PRDM16: variants seen among roughly 807,000 people sequenced by gnomAD.
The protein encoded by PRDM16 is PR/SET domain 16.
PRDM16 carries 23 observed loss-of-function variants against 110.6 expected under a neutral mutation model. The observed-to-expected ratio is 0.21, with a 90% CI of 0.15 to 0.29. The LOEUF is 0.29. PRDM16 is among the 10% of genes least tolerant of loss of function. The pLI, the probability that PRDM16 is intolerant of heterozygous loss-of-function variation, is 1.00. For synonymous variants in PRDM16, 799 were observed against 781.8 expected (o/e 1.02, Z -0.37); for missense variants, 1,615 against 1,794.3 (o/e 0.90, Z 1.81).
chr1:3,123,552 C>T (rs1184538998), intron 1 of PRDM16, among the ~76,000 whole-genome samples: 2 of 152,322 alleles, frequency 1.3e-5, no homozygotes, highest in East Asian at 3.9e-4. Context: ...TTGCAGAGTC[C>T]CACTCCCCAG....
rs924573429 is a variant in PRDM16 at position 3,265,779 on chromosome 1, C to G, written c.438+21642C>G. Among the ~76,000 whole-genome samples, 1 of 152,160 alleles carries G rather than the reference C, an allele frequency of 6.6e-6. No individual in the cohort carries two copies. Among genetic ancestry groups the G allele is most frequent in the African/African-American group, 2.4e-5 (1 of 41,426 alleles). On this transcript the variant is annotated intron_variant, in intron 3 of 16. Coordinates refer to ENST00000270722, the MANE Select transcript of PRDM16 (RefSeq NM_022114.4). The surrounding 1 kb of genome is among the most constrained non-coding windows in gnomAD (Gnocchi z 4.5). ...CAGGCATTATCCAGCTGGCACCTCA[C>G]GCTCTGTCCTCACCGCCCAGACCCT...
chr1:3,202,925 C>T (rs11577655), intron 2 of PRDM16, among the ~76,000 whole-genome samples: 34,750 of 152,066 alleles, frequency 0.23, 5,298 homozygotes, highest in South Asian at 0.47. Context: ...GGTGCAGAGA[C>T]GAAGAACGTG....
intron 3 of PRDM16, among the ~76,000 whole-genome samples, chr1:3,289,973 C>G (rs1306640637): frequency 2.6e-5 from 4 of 151,338 alleles, no homozygotes; most frequent in African/African-American, 9.7e-5. Context: ...CACCGAGACC[C>G]CACTCCCACC....
chr1:3,325,646 G>A (rs1042670519), intron 3 of PRDM16, among the ~76,000 whole-genome samples: 13 of 152,218 alleles, frequency 8.5e-5, no homozygotes, highest in Non-Finnish European at 1.6e-4. Flanking sequence ...CGAAGCCTGA[G>A]ATCCAGGGGA....
At chr1:3,180,978 A>G (rs1013398488) in intron 1 of PRDM16, among the ~76,000 whole-genome samples, 1 of 136,614 alleles carries the variant, frequency 7.3e-6, no homozygotes, top group South Asian at 2.4e-4. Context: ...TCGGTCTTAC[A>G]CACGCAGTCT....
At chr1:3,115,400 C>G (rs1047403251) in intron 1 of PRDM16, among the ~76,000 whole-genome samples, 33 of 152,358 alleles carry the variant, frequency 2.2e-4, no homozygotes, top group Non-Finnish European at 3.5e-4. Context: ...TGAGCAAACC[C>G]AGCGGGACGG....
intron 3 of PRDM16, among the ~76,000 whole-genome samples, chr1:3,291,571 C>T (rs1006509933): frequency 6.6e-6 from 1 of 151,938 alleles, no homozygotes; most frequent in African/African-American, 2.4e-5. Context: ...ACTCCTCCCG[C>T]CCCTGCCCAT....
At chr1:3,355,351 T>C (rs2100546627) in intron 3 of PRDM16, among the ~76,000 whole-genome samples, 1 of 152,120 alleles carries the variant, frequency 6.6e-6, no homozygotes, top group South Asian at 2.1e-4. Flanking sequence ...ACCTCACGAA[T>C]TAATTGCGCC....
At chr1:3,236,896 C>T (rs1639552564) in intron 2 of PRDM16, among the ~76,000 whole-genome samples, 1 of 152,206 alleles carries the variant, frequency 6.6e-6, no homozygotes, top group African/African-American at 2.4e-5. Flanking sequence ...CCTGCCTGGC[C>T]CTTGGCCCTC....
intron 3 of PRDM16, among the ~76,000 whole-genome samples, chr1:3,330,681 A>G (rs1233608047): frequency 2.0e-5 from 3 of 152,216 alleles, no homozygotes; most frequent in Non-Finnish European, 4.4e-5. Context: ...TGCCAGTCCA[A>G]TGGCAGAACA....
rs371553854 is a variant in PRDM16, at chr1:3,241,499, C to T, written c.388-2588C>T. ...CCAGGTCCCACCTCCTGACGCCACA[C>T]GGTATGACTGGGCCCTCCTGGTCAG... On this transcript the variant is annotated intron_variant, in intron 2 of 16. Coordinates refer to ENST00000270722, the MANE Select transcript of PRDM16 (RefSeq NM_022114.4). Among the ~76,000 whole-genome samples the T allele has an allele frequency of 4.6e-4, 70 of 152,356 alleles. 1 individual carries two copies. The highest frequency in any genetic ancestry group is 1.6e-3 in the African/African-American group (68 of 41,590).
intron 1 of PRDM16, among the ~76,000 whole-genome samples, chr1:3,092,771 T>C (rs1463717014): frequency 6.6e-6 from 1 of 152,054 alleles, no homozygotes; most frequent in East Asian, 1.9e-4. Flanking sequence ...TCCCGGCAGC[T>C]CTAGGGTGGC....
chr1:3,333,741 A>G (rs1238773063), intron 3 of PRDM16, among the ~76,000 whole-genome samples: 1 of 152,168 alleles, frequency 6.6e-6, no homozygotes, highest in East Asian at 1.9e-4. Context: ...CGAGTAGATC[A>G]TGGATCATGG....
intron 1 of PRDM16, 126 bp from the exon 2 acceptor site, chr1:3,185,999 G>A: frequency 1.3e-6 from 1 of 755,698 alleles, no homozygotes; most frequent in Non-Finnish European, 2.3e-6. Context: ...AGGGGTGGCA[G>A]CCGGGCCTTC....
intron 1 of PRDM16, among the ~76,000 whole-genome samples, chr1:3,112,879 G>T (rs1642828941): frequency 6.6e-6 from 1 of 152,242 alleles, no homozygotes; most frequent in Admixed American, 6.5e-5. Context: ...TCCTCCTGTG[G>T]AACGGGGTCC....
At chr1:3,135,584 A>T (rs975376422) in intron 1 of PRDM16, among the ~76,000 whole-genome samples, 3 of 151,802 alleles carry the variant, frequency 2.0e-5, no homozygotes, top group Admixed American at 6.6e-5. Flanking sequence ...CCCGCAGGTG[A>T]CACACCAGCT....
Position 3,435,691 on chromosome 1 carries a change from C to T in PRDM16, c.*1880C>T, listed in dbSNP as rs548594585. ...GGACATCTCCTCAGGCTTTGTGTCA[C>T]GCGTGGACATCTCCTCAGGCTGTCC... On this transcript the variant is annotated 3_prime_UTR_variant, in exon 17 of 17. Transcript: ENST00000270722. 12 of 232,616 alleles carry T rather than the reference C, an allele frequency of 5.2e-5. No homozygotes were observed. The highest frequency in any genetic ancestry group is 7.6e-5 in the Non-Finnish European group (9 of 117,772). The allele number at this position is 232,616 out of a possible 1,614,324, so 14.4% of individuals were successfully genotyped here.
Position 3,277,775 on chromosome 1 carries a change from ACG to A in PRDM16, c.438+33640_438+33641del, listed in dbSNP as rs1640623086. ...CACACATGCACACACGCGCACACACACGCACACATATGCACACACAAACGCAC... is the reference window on the plus strand; with the variant it reads ...CACACATGCACACACGCGCACACACACACACATATGCACACACAAACGCAC... On this transcript the variant is annotated intron_variant, in intron 3 of 16. Coordinates refer to ENST00000270722, the MANE Select transcript of PRDM16 (RefSeq NM_022114.4). Among the ~76,000 whole-genome samples the A allele has an allele frequency of 2.7e-4, 29 of 106,050 alleles. 1 individual carries two copies. In the South Asian group the frequency reaches 5.3e-3, roughly 19 times the overall value. The allele number at this position is 106,050 out of a possible 152,430, so 69.6% of individuals were successfully genotyped here.
Position 3,244,249 on chromosome 1 carries a change from G to A in PRDM16, c.438+112G>A. On this transcript the variant is annotated intron_variant, in intron 3 of 16. Transcript: ENST00000270722. This position sits in a 1 kb window ranked among gnomAD's most constrained non-coding sequence, Gnocchi z 4.1. ...CTAACAAGCGTGTAGTCGGAATGTT[G>A]CTGGCAGGCCCCGAGCAATGTGTTA... is the stretch of plus-strand genomic sequence containing the variant. 1.0e-6 allele frequency: 1 copy of A among 986,532 alleles called. No individual in the cohort carries two copies. Among genetic ancestry groups the A allele is most frequent in the Non-Finnish European group, 1.6e-6 (1 of 632,030 alleles). 61.1% of individuals were successfully genotyped at this position (986,532 alleles called of 1,614,324 possible). A position where few individuals can be genotyped will look rare whatever the true frequency, so the allele number is the denominator to read the frequency against.
Sources: allele counts gnomAD v4.1 joint callset (sites outside exome capture counted in the v4.1 genomes callset), GRCh38; gene constraint gnomAD v4.1.1; non-coding constraint Gnocchi (gnomAD v3.1); transcripts MANE v1.5; gene names NCBI Gene and HGNC (gene_info 2026-07-23, HGNC 2026-07-21).